CBFA2T3: variants seen among roughly 807,000 people sequenced by gnomAD.
The protein encoded by CBFA2T3 is CBFA2/RUNX1 partner transcriptional co-repressor 3.
Under a neutral mutation model 58.6 loss-of-function variants are expected in CBFA2T3, and 31 were observed. That is an observed-to-expected ratio of 0.53 (90% CI 0.40 to 0.71). The LOEUF (loss-of-function observed/expected upper bound fraction) is 0.71, where lower values mean the gene tolerates loss of function less well. Ranked by LOEUF, CBFA2T3 falls within the 30% of genes least tolerant of loss-of-function variation. The probability of loss-of-function intolerance (pLI) is 0.00; values close to 1 mark genes in which losing one functional copy is unlikely to be tolerated. For missense variants in CBFA2T3, 1,076 were observed against 963.1 expected (o/e 1.12, Z -1.55); for synonymous variants, 531 against 421.9 (o/e 1.26, Z -3.17).
Position 88,892,496 on chromosome 16 carries a change from G to A in CBFA2T3, c.380-11C>T, listed in dbSNP as rs759646717. On this transcript the variant is annotated splice_polypyrimidine_tract_variant and intron_variant, in intron 3 of 11. Coordinates refer to ENST00000268679, the MANE Select transcript of CBFA2T3 (RefSeq NM_005187.6). ...TGCTGCCGTTCATCACTGCAGGAGGGAAGCGGACATGAGGACACAAAGGTG... is the reference window on the plus strand; with the variant it reads ...TGCTGCCGTTCATCACTGCAGGAGGAAAGCGGACATGAGGACACAAAGGTG... The A allele has an allele frequency of 4.3e-6, 7 of 1,610,744 alleles. No homozygotes were observed. Among genetic ancestry groups the A allele is most frequent in the African/African-American group, 4.0e-5 (3 of 74,930 alleles).
chr16:88,934,306 C>G (rs1971424227), intron 1 of CBFA2T3, among the ~76,000 whole-genome samples: 1 of 152,246 alleles, frequency 6.6e-6, no homozygotes, highest in South Asian at 2.1e-4. Flanking sequence ...GAGGGGCCGA[C>G]TTGGGCCCAT....
At chr16:88,891,761 C>T in intron 5 of CBFA2T3, 121 bp downstream of exon 5, 6 of 686,512 alleles carry the variant, frequency 8.7e-6, no homozygotes, top group Non-Finnish European at 1.5e-5. Flanking sequence ...CTTCATCCAC[C>T]TGCCTATCTG....
intron 10 of CBFA2T3, chr16:88,879,671 A>G (rs567729628): frequency 4.6e-5 from 25 of 544,618 alleles, no homozygotes; most frequent in Admixed American, 1.9e-4. Flanking sequence ...GATGGCCCTC[A>G]TGCCTGTGCA....
chr16:88,948,935 G>A (rs1971974944), intron 1 of CBFA2T3, among the ~76,000 whole-genome samples: 4 of 152,224 alleles, frequency 2.6e-5, no homozygotes. Context: ...AAAAGGGAAT[G>A]TGGATGGGAT....
At chr16:88,901,239 A>C (rs1567593158) in intron 2 of CBFA2T3, among the ~76,000 whole-genome samples, 1 of 152,176 alleles carries the variant, frequency 6.6e-6, no homozygotes, top group Admixed American at 6.5e-5. Context: ...ACCTGGCCCC[A>C]CCACAGCCCT....
intron 1 of CBFA2T3, among the ~76,000 whole-genome samples, chr16:88,915,839 C>T (rs1388492994): frequency 6.6e-6 from 1 of 151,998 alleles, no homozygotes; most frequent in East Asian, 1.9e-4. Flanking sequence ...TGGCTGGTCA[C>T]CTCAGTCAGA....
chr16:88,889,231 T>C (rs938836122), intron 5 of CBFA2T3, among the ~76,000 whole-genome samples: 6 of 150,772 alleles, frequency 4.0e-5, no homozygotes, highest in African/African-American at 1.2e-4. Flanking sequence ...AGCTTCTCTT[T>C]TGTCACCATC....
chr16:88,888,363 G>T (rs1046143953), intron 5 of CBFA2T3, among the ~76,000 whole-genome samples: 1 of 144,340 alleles, frequency 6.9e-6, no homozygotes, highest in Non-Finnish European at 1.5e-5. Flanking sequence ...GGCCCAAGGG[G>T]ACTGGCTGGG....
intron 3 of CBFA2T3, among the ~76,000 whole-genome samples, chr16:88,897,375 C>T (rs1010803415): frequency 1.3e-5 from 2 of 152,376 alleles, no homozygotes; most frequent in African/African-American, 4.8e-5. Flanking sequence ...GCCAGGCTGG[C>T]TGGTAGTGAT....
At chr16:88,961,919 G>A (rs1309876409) in intron 1 of CBFA2T3, among the ~76,000 whole-genome samples, 12 of 130,298 alleles carry the variant, frequency 9.2e-5, no homozygotes, top group African/African-American at 1.1e-4. Flanking sequence ...TCAGTGCTGG[G>A]CATTCCCACT....
intron 1 of CBFA2T3, among the ~76,000 whole-genome samples, chr16:88,942,194 T>C (rs370634540): frequency 6.6e-6 from 1 of 152,182 alleles, no homozygotes; most frequent in South Asian, 2.1e-4. Context: ...CCCCGCCCGC[T>C]TTGCCTTTCC....
In CBFA2T3 at chr16:88,948,852, C is replaced by A. The variant is rs373546567; in HGVS notation, c.151+27805G>T. Among the ~76,000 whole-genome samples, 183 of 152,234 alleles carry A rather than the reference C, an allele frequency of 1.2e-3. 1 individual carries two copies. The East Asian group carries it at 0.016, about 13-fold the overall frequency. ...TCTCTTGTCTTTGTTGAAGTTCACA[C>A]GAGAACCAGGCCAAGCACAAACAGT... On this transcript the variant is annotated intron_variant, in intron 1 of 11. Transcript: ENST00000268679.
At chr16:88,899,489 A>G (rs990876484) in intron 2 of CBFA2T3, among the ~76,000 whole-genome samples, 1 of 152,206 alleles carries the variant, frequency 6.6e-6, no homozygotes, top group Admixed American at 6.5e-5. Flanking sequence ...ACCTCACCCC[A>G]AAAACATGAC....
Position 88,905,333 on chromosome 16 carries a change from C to A in CBFA2T3, c.152-3677G>T, listed in dbSNP as rs574697184. Among the ~76,000 whole-genome samples, 420 of 151,542 alleles carry A rather than the reference C, an allele frequency of 2.8e-3. 1 individual carries two copies. Among genetic ancestry groups the A allele is most frequent in the African/African-American group, 9.4e-3 (386 of 40,890 alleles). On this transcript the variant is annotated intron_variant, in intron 1 of 11. Transcript: ENST00000268679. Reference sequence around the variant, plus strand: ...GTGCGGGGCTCAGGGCCATGCACGACCCCCCACCGCCCCTCGTTCCCTCTG... The same window carrying A: ...GTGCGGGGCTCAGGGCCATGCACGAACCCCCACCGCCCCTCGTTCCCTCTG...
rs114659811 is a variant in CBFA2T3 at position 88,906,320 on chromosome 16, G to A, written c.152-4664C>T. Among the ~76,000 whole-genome samples, 1,214 of 152,154 alleles carry A rather than the reference G, an allele frequency of 8.0e-3. 20 individuals are homozygous for A. Among genetic ancestry groups the A allele is most frequent in the African/African-American group, 0.028 (1,163 of 41,508 alleles). On this transcript the variant is annotated intron_variant, in intron 1 of 11. Transcript: ENST00000268679. ...GGCCACAGGCCATTTCTACTCCGCA[G>A]ACCCACTTCGAGGCTCGGAGGCCCC... is the stretch of plus-strand genomic sequence containing the variant.
chr16:88,947,563 G>T (rs1211047781), intron 1 of CBFA2T3, among the ~76,000 whole-genome samples: 2 of 152,084 alleles, frequency 1.3e-5, no homozygotes, highest in Admixed American at 6.5e-5. Context: ...ATAATTATTG[G>T]TAGTATACAA....
chr16:88,880,335 C>T (rs1969016972), intron 10 of CBFA2T3, among the ~76,000 whole-genome samples: 1 of 152,186 alleles, frequency 6.6e-6, no homozygotes, highest in Non-Finnish European at 1.5e-5. Flanking sequence ...AGCAAATGTC[C>T]CCACAGCCTT....
intron 1 of CBFA2T3, among the ~76,000 whole-genome samples, chr16:88,904,148 C>A (rs187297328): frequency 2.0e-5 from 3 of 152,188 alleles, no homozygotes; most frequent in African/African-American, 7.2e-5. Context: ...CTCTGGATCC[C>A]GAAGCTAGAG....
At chr16:88,895,193 C>A (rs1213580322) in intron 3 of CBFA2T3, among the ~76,000 whole-genome samples, 1 of 152,210 alleles carries the variant, frequency 6.6e-6, no homozygotes, top group Non-Finnish European at 1.5e-5. Context: ...GCCGCACCCT[C>A]CAGAGGGCAC....
Sources: allele counts gnomAD v4.1 joint callset (sites outside exome capture counted in the v4.1 genomes callset), GRCh38; gene constraint gnomAD v4.1.1; transcripts MANE v1.5; gene names NCBI Gene and HGNC (gene_info 2026-07-23, HGNC 2026-07-21).